The following MYO9A variants were observed in gnomAD, a reference collection of about 807,000 sequenced individuals.
MYO9A encodes the protein myosin IXA, also known as unconventional myosin-IXa.
MYO9A carries 103 observed loss-of-function variants against 293.3 expected under a neutral mutation model. The observed-to-expected ratio is 0.35, with a 90% CI of 0.30 to 0.41. The LOEUF (loss-of-function observed/expected upper bound fraction) is 0.41, where lower values mean the gene tolerates loss of function less well. Ranked by LOEUF, MYO9A falls within the 10% of genes least tolerant of loss-of-function variation. MYO9A has a pLI of 1.00. For missense variants in MYO9A, 2,685 were observed against 3,033.0 expected, an observed-to-expected ratio of 0.89 and a Z score of 2.69; for synonymous variants, 1,001 against 1,035.7, an observed-to-expected ratio of 0.97 and a Z score of 0.64.
chr15:72,092,740 A>C (rs1281169870), intron 1 of MYO9A, among the ~76,000 whole-genome samples: 1 of 152,218 alleles, frequency 6.6e-6, no homozygotes, highest in African/African-American at 2.4e-5. Flanking sequence ...ATAGGCACTT[A>C]AGTTTGAATT....
chr15:71,904,784 C>A (rs2057582958), intron 20 of MYO9A, 142 bp downstream of exon 20: 2 of 457,486 alleles, frequency 4.4e-6, no homozygotes, highest in Admixed American at 4.2e-5. Flanking sequence ...GTGGAAAAAT[C>A]CATTTAAAGT....
chr15:72,059,345 G>A (rs996675164), intron 1 of MYO9A, among the ~76,000 whole-genome samples: 3 of 152,156 alleles, frequency 2.0e-5, no homozygotes, highest in African/African-American at 7.2e-5. Flanking sequence ...CAAAACAAAG[G>A]TTAATGCTTC....
chr15:72,032,601 A>T lies in MYO9A; in HGVS notation c.841-13T>A. 2 of 1,573,878 alleles carry T rather than the reference A, an allele frequency of 1.3e-6. No homozygotes were observed. On this transcript the variant is annotated splice_polypyrimidine_tract_variant and intron_variant, in intron 2 of 41. Transcript: ENST00000356056. ...CATTTCCAAAGGCCTGTCAAAATAA[A>T]TAATTCTCATTAGTTTCACTAAAAA...
chr15:72,028,238 T>TATATATATATAA (rs1490355481), intron 3 of MYO9A, among the ~76,000 whole-genome samples: 25 of 144,648 alleles, frequency 1.7e-4, no homozygotes, highest in African/African-American at 6.1e-4. Context: ...TATATATATA[T>TATATATATATAA]AAATATATAT....
In MYO9A at chr15:71,880,502, G is replaced by A. The variant is rs749027784; in HGVS notation, c.5455C>T (p.Arg1819Trp). The stretch of plus-strand genomic sequence containing the variant: ...TCTTTGTTCTCTTTGAATTCCTTCC[G>A]GCAACTGCCGGGCAGTTCTGGGCTC... ...PLSPELPGSC[R>W]KEFKENKEPS... The change falls in exon 29 of 42, where the codon CGG (arginine) becomes TGG (tryptophan). Residue 1819 changes from arginine (R) to tryptophan (W), a missense_variant. Physicochemically the swap from Arg to Trp is moderately radical, Grantham distance 101 (BLOSUM62 -3). Coordinates refer to ENST00000356056, the MANE Select transcript of MYO9A (RefSeq NM_006901.4). 8.3e-5 allele frequency: 134 copies of A among 1,614,048 alleles called. No individual in the cohort carries two copies. The East Asian group carries it at 1.6e-3, about 19-fold the overall frequency.
chr15:71,826,485 A>G lies in MYO9A; in HGVS notation c.*95T>C. On this transcript the variant is annotated 3_prime_UTR_variant, in exon 42 of 42. Transcript: ENST00000356056. ...TTAGAAAAGAGGCAGGACCACAATT[A>G]GGATTGACTATTGTGGACGAGGTGA... 1 of 1,201,118 alleles carries G rather than the reference A, an allele frequency of 8.3e-7. No individual in the cohort carries two copies. The highest frequency in any genetic ancestry group is 1.2e-6 in the Non-Finnish European group (1 of 854,700). 74.4% of individuals were successfully genotyped at this position (1,201,118 alleles called of 1,614,324 possible).
At chr15:71,858,431 A>C (rs1387315599) in intron 34 of MYO9A, 1 of 152,124 alleles carries the variant, frequency 6.6e-6, no homozygotes, top group Non-Finnish European at 1.5e-5. Flanking sequence ...GCAGCCATAA[A>C]AAAGGATGAG....
At chr15:72,105,742 G>C (rs1267340181) in intron 1 of MYO9A, among the ~76,000 whole-genome samples, 1 of 152,012 alleles carries the variant, frequency 6.6e-6, no homozygotes, top group Admixed American at 6.6e-5. Context: ...CTCAACCTCA[G>C]GTGATCCACC....
chr15:71,857,493 A>G lies in MYO9A; in HGVS notation c.6153+2242T>C, dbSNP rs556674911. Among the ~76,000 whole-genome samples the G allele has an allele frequency of 1.7e-4, 26 of 152,300 alleles. 1 individual carries two copies. The highest frequency in any genetic ancestry group is 9.8e-4 in the Admixed American group (15 of 15,294). On this transcript the variant is annotated intron_variant, in intron 34 of 41. Coordinates refer to ENST00000356056, the MANE Select transcript of MYO9A (RefSeq NM_006901.4). ...TTCCCCCAGGTCCCTTCCAGCCACT[A>G]TGCCCTTTACCCTTCACAAATAACC...
chr15:72,028,238 T>A (rs182420453), intron 3 of MYO9A, among the ~76,000 whole-genome samples: 180 of 144,648 alleles, frequency 1.2e-3, no homozygotes, highest in African/African-American at 4.0e-3. Flanking sequence ...TATATATATA[T>A]AAATATATAT....
chr15:71,922,457 G>A (rs577349422), intron 18 of MYO9A, among the ~76,000 whole-genome samples: 23 of 152,002 alleles, frequency 1.5e-4, no homozygotes, highest in African/African-American at 3.6e-4. Context: ...ATTTCTTTGC[G>A]GTGAGATCAC....
intron 1 of MYO9A, among the ~76,000 whole-genome samples, chr15:72,065,176 C>T (rs1240345255): frequency 2.0e-5 from 3 of 152,002 alleles, no homozygotes; most frequent in Non-Finnish European, 2.9e-5. Context: ...GGATCATAGA[C>T]CATGAAAGGT....
At chr15:71,967,608 G>A (rs575853874) in intron 13 of MYO9A, among the ~76,000 whole-genome samples, 44 of 152,180 alleles carry the variant, frequency 2.9e-4, no homozygotes, top group African/African-American at 8.7e-4. Flanking sequence ...TGAAAAGTAC[G>A]AACTGACAAA....
At chr15:72,097,191 C>A (rs1311562307) in intron 1 of MYO9A, among the ~76,000 whole-genome samples, 3 of 152,294 alleles carry the variant, frequency 2.0e-5, no homozygotes, top group Admixed American at 2.0e-4. Flanking sequence ...ATGCTACAGA[C>A]AAATCTTTCA....
intron 1 of MYO9A, among the ~76,000 whole-genome samples, chr15:72,084,471 G>A (rs187266292): frequency 1.3e-4 from 20 of 152,146 alleles, no homozygotes; most frequent in East Asian, 5.8e-4. Context: ...GCCTGTTTAC[G>A]TTCAAGGTTA....
intron 34 of MYO9A, 74 bp from the exon 35 acceptor site, chr15:71,854,643 G>A: frequency 8.2e-7 from 1 of 1,220,674 alleles, no homozygotes; most frequent in Admixed American, 2.8e-5. Context: ...TTCTTTACCA[G>A]GAGCTACTTT....
intron 6 of MYO9A, among the ~76,000 whole-genome samples, chr15:72,017,600 CA>C (rs1266377078): frequency 1.3e-5 from 2 of 151,802 alleles, no homozygotes; most frequent in Non-Finnish European, 2.9e-5. Flanking sequence ...ATCTAAACTC[CA>C]AAATTACTTG....
chr15:72,019,966 G>A (rs1208635071), intron 5 of MYO9A, among the ~76,000 whole-genome samples: 1 of 152,088 alleles, frequency 6.6e-6, no homozygotes, highest in Non-Finnish European at 1.5e-5. Context: ...TGGCCAGGCT[G>A]GTCTCGAACT....
At chr15:71,951,975 T>C in intron 14 of MYO9A, 79 bp from the exon 15 acceptor site, 1 of 1,442,796 alleles carries the variant, frequency 6.9e-7, no homozygotes, top group Non-Finnish European at 9.2e-7. Context: ...CAACAGAGAA[T>C]CAAGGACAAT....
Sources: allele counts gnomAD v4.1 joint callset (sites outside exome capture counted in the v4.1 genomes callset), GRCh38; gene constraint gnomAD v4.1.1; transcripts MANE v1.5; gene names NCBI Gene and HGNC (gene_info 2026-07-23, HGNC 2026-07-21).